Variants in SKA3 observed in about 807,000 individuals in gnomAD.
SKA3 encodes the protein spindle and kinetochore associated complex subunit 3, also known as spindle and kinetochore-associated protein 3.
SKA3 carries 39 observed loss-of-function variants against 44.2 expected under a neutral mutation model. That is an observed-to-expected ratio of 0.88 (90% CI 0.68 to 1.15). The LOEUF is 1.15. Ranked by LOEUF, SKA3 falls within the 50% of genes most tolerant of loss-of-function variation. The pLI is 0.00. For synonymous variants in SKA3, 192 were observed against 172.0 expected, an observed-to-expected ratio of 1.12 and a Z score of -0.91; for missense variants, 511 against 485.8, an observed-to-expected ratio of 1.05 and a Z score of -0.49.
At chr13:21,168,816 CCA>C (rs749923320) in intron 3 of SKA3, among the ~76,000 whole-genome samples, 25 of 152,206 alleles carry the variant, frequency 1.6e-4, no homozygotes, top group Non-Finnish European at 2.5e-4. Flanking sequence ...GCATGAGCCA[CCA>C]CACTCAGCTG....
At position 21,153,937 on chromosome 13, in the gene SKA3, T is replaced by C. The variant is rs182267497; in HGVS notation, c.*1213A>G. The C allele has an allele frequency of 2.4e-4, 37 of 152,266 alleles. No homozygotes were observed. The East Asian group carries it at 7.1e-3, about 29-fold the overall frequency. 9.4% of individuals were successfully genotyped at this position (152,266 alleles called of 1,614,324 possible). On this transcript the variant is annotated 3_prime_UTR_variant, in exon 9 of 9. Transcript: ENST00000314759. ...TCTTAACATTTTATTTTACATTATA[T>C]TTAATAAAAATAATACTTACAACTA... is the stretch of plus-strand genomic sequence containing the variant.
intron 1 of SKA3, among the ~76,000 whole-genome samples, chr13:21,174,765 C>CT (rs1871346715): frequency 1.6e-5 from 1 of 62,722 alleles, no homozygotes; most frequent in African/African-American, 4.8e-5. Context: ...GTGCGTACTG[C>CT]TCCAACAACA....
chr13:21,169,880 C>T (rs1308282344), intron 3 of SKA3, among the ~76,000 whole-genome samples: 1 of 152,072 alleles, frequency 6.6e-6, no homozygotes, highest in African/African-American at 2.4e-5. Flanking sequence ...TCAAGTGATC[C>T]ACCTGCCTCA....
At chr13:21,165,803 C>T (rs1870680921) in intron 4 of SKA3, among the ~76,000 whole-genome samples, 1 of 151,950 alleles carries the variant, frequency 6.6e-6, no homozygotes, top group African/African-American at 2.4e-5. Flanking sequence ...GGCGTGGTGG[C>T]TCATGCCTGC....
intron 4 of SKA3, among the ~76,000 whole-genome samples, chr13:21,166,499 C>T (rs1289032006): frequency 3.3e-5 from 5 of 152,070 alleles, no homozygotes; most frequent in African/African-American, 9.7e-5. Flanking sequence ...TTTGGGAGGC[C>T]GAGGCAGGTG....
At chr13:21,160,700 GC>G (rs1870389813) in intron 5 of SKA3, among the ~76,000 whole-genome samples, 1 of 152,112 alleles carries the variant, frequency 6.6e-6, no homozygotes, top group Non-Finnish European at 1.5e-5. Context: ...AAATGTGCAT[GC>G]CCTTTGACCT....
intron 3 of SKA3, among the ~76,000 whole-genome samples, chr13:21,169,991 T>A (rs560452107): frequency 1.3e-5 from 2 of 152,246 alleles, no homozygotes; most frequent in African/African-American, 4.8e-5. Context: ...TGTTCCAGAT[T>A]TAACACAGAG....
intron 8 of SKA3, among the ~76,000 whole-genome samples, 169 bp from the exon 9 acceptor site, chr13:21,155,319 A>C (rs1470799017): frequency 6.6e-6 from 1 of 152,210 alleles, no homozygotes; most frequent in African/African-American, 2.4e-5. Flanking sequence ...AGGGATCACA[A>C]GTTCTATATC....
intron 4 of SKA3, among the ~76,000 whole-genome samples, chr13:21,166,714 T>A (rs1008701227): frequency 6.6e-6 from 1 of 152,172 alleles, no homozygotes; most frequent in South Asian, 2.1e-4. Flanking sequence ...GCCTGGGGGA[T>A]AGAACAAGAC....
In SKA3 at chr13:21,154,682, C is replaced by T. The variant is rs1870001174; in HGVS notation, c.*468G>A. 2.2e-5 allele frequency: 4 copies of T among 180,608 alleles called. No individual in the cohort carries two copies. Among genetic ancestry groups the T allele is most frequent in the Admixed American group, 1.2e-4 (2 of 16,840 alleles). 11.2% of individuals were successfully genotyped at this position (180,608 alleles called of 1,614,324 possible). The stretch of plus-strand genomic sequence containing the variant: ...GTTTAACTGGTGTTCCTGTTGTTTG[C>T]AAACAGCAACTGCATCTTCAGACAG... On this transcript the variant is annotated 3_prime_UTR_variant, in exon 9 of 9. Coordinates refer to ENST00000314759, the MANE Select transcript of SKA3 (RefSeq NM_145061.6).
intron 4 of SKA3, among the ~76,000 whole-genome samples, chr13:21,166,812 A>G (rs772103637): frequency 1.3e-5 from 2 of 152,210 alleles, no homozygotes; most frequent in Non-Finnish European, 2.9e-5. Context: ...ATGTTTAGAT[A>G]AGGACCAGTT....
At chr13:21,160,086 C>G in intron 5 of SKA3, 99 bp from the exon 6 acceptor site, 1 of 796,324 alleles carries the variant, frequency 1.3e-6, no homozygotes, top group South Asian at 2.1e-5. Context: ...TTATCATTAG[C>G]ACTACTAAAA....
In SKA3 at chr13:21,172,616, A is replaced by T; in HGVS notation, c.165+4T>A. ...ATAATAAATCAATATTGTAGGAGTG[A>T]TACCTTTAGAGTCTGAACTTCTGAA... On this transcript the variant is annotated splice_donor_region_variant and intron_variant, in intron 2 of 8. Transcript: ENST00000314759. 2 of 1,536,094 alleles carry T rather than the reference A, an allele frequency of 1.3e-6. No homozygotes were observed. The highest frequency in any genetic ancestry group is 2.6e-5 in the South Asian group (2 of 77,122).
chr13:21,158,217 T>C, intron 6 of SKA3, 92 bp from the exon 7 acceptor site: 9 of 806,730 alleles, frequency 1.1e-5, no homozygotes, highest in Non-Finnish European at 1.8e-5. Context: ...TATTGGGGTC[T>C]CTAATAGGCT....
chr13:21,167,068 T>C (rs1870751757), intron 4 of SKA3, among the ~76,000 whole-genome samples: 1 of 152,228 alleles, frequency 6.6e-6, no homozygotes, highest in South Asian at 2.1e-4. Flanking sequence ...CTCCCAAATC[T>C]AGTTTAGCAC....
At chr13:21,176,270 G>A in intron 1 of SKA3, 105 bp downstream of exon 1, 1 of 885,204 alleles carries the variant, frequency 1.1e-6, no homozygotes, top group East Asian at 4.0e-5. Flanking sequence ...AGCCGTCCAC[G>A]CCGTCAGTGC....
At chr13:21,159,121 A>C (rs370046969) in intron 6 of SKA3, among the ~76,000 whole-genome samples, 7 of 152,234 alleles carry the variant, frequency 4.6e-5, no homozygotes, top group African/African-American at 1.7e-4. Context: ...TTAGTTCTTC[A>C]GATATACTAG....
At chr13:21,158,755 G>T (rs567036208) in intron 6 of SKA3, among the ~76,000 whole-genome samples, 16 of 152,210 alleles carry the variant, frequency 1.1e-4, no homozygotes, top group Non-Finnish European at 1.5e-4. Flanking sequence ...ATCACAGCAT[G>T]AACAAATGTT....
rs919542648 is a variant in SKA3 at position 21,153,716 on chromosome 13, T to C, written c.*1434A>G. On this transcript the variant is annotated 3_prime_UTR_variant, in exon 9 of 9. Coordinates refer to ENST00000314759, the MANE Select transcript of SKA3 (RefSeq NM_145061.6). ...CTCCTTTGCTAGATTACTCTGCCCC[T>C]TTCCATCCTCTAAAGTTGGGAGAAC... 1 of 152,434 alleles carries C rather than the reference T, an allele frequency of 6.6e-6. No homozygotes were observed. The highest frequency in any genetic ancestry group is 6.5e-5 in the Admixed American group (1 of 15,308). 9.4% of individuals were successfully genotyped at this position (152,434 alleles called of 1,614,324 possible).
Sources: gnomAD v4.1 joint callset for allele counts (sites outside exome capture counted in the v4.1 genomes callset) on GRCh38, gnomAD v4.1.1 for gene constraint, MANE v1.5 for transcripts, NCBI Gene and HGNC (gene_info 2026-07-23, HGNC 2026-07-21) for gene names.